Variants in PRKAR1B observed in about 807,000 individuals in gnomAD.
PRKAR1B encodes cAMP-dependent protein kinase type I-beta regulatory subunit.
Under a neutral mutation model 46.5 loss-of-function variants are expected in PRKAR1B, and 22 were observed. That is an observed-to-expected ratio of 0.47 (90% CI 0.34 to 0.68). The LOEUF is 0.68. Ranked by LOEUF, PRKAR1B falls within the 30% of genes least tolerant of loss-of-function variation. PRKAR1B has a pLI of 0.01. For missense variants in PRKAR1B, 445 were observed against 535.6 expected, an observed-to-expected ratio of 0.83 and a Z score of 1.67; for synonymous variants, 259 against 217.7, an observed-to-expected ratio of 1.19 and a Z score of -1.67.
At chr7:640,430 G>A (rs538397300) in intron 4 of PRKAR1B, among the ~76,000 whole-genome samples, 1 of 152,120 alleles carries the variant, frequency 6.6e-6, no homozygotes, top group Non-Finnish European at 1.5e-5. Context: ...CACCTGAAAA[G>A]CTGTTCAACC....
chr7:688,311 A>G (rs1562617987), intron 2 of PRKAR1B, among the ~76,000 whole-genome samples: 1 of 150,574 alleles, frequency 6.6e-6, no homozygotes, highest in Non-Finnish European at 1.5e-5. Context: ...GGGCTGAGAC[A>G]GGAGAATTGC....
chr7:660,262 G>T (rs894511772), intron 4 of PRKAR1B, among the ~76,000 whole-genome samples: 1 of 151,986 alleles, frequency 6.6e-6, no homozygotes, highest in Non-Finnish European at 1.5e-5. Flanking sequence ...GGCCCACCGA[G>T]TTCCCGTCTA....
upstream of PRKAR1B, chr7:727,599 G>GCGCTGCCACGTGCT (rs1781392596): frequency 5.2e-6 from 1 of 191,372 alleles, no homozygotes; most frequent in African/African-American, 2.5e-5. Context: ...CCTGTTTCCT[G>GCGCTGCCACGTGCT]CGCTGCCACG....
intron 1 of PRKAR1B, chr7:726,899 C>A: frequency 7.4e-7 from 1 of 1,345,076 alleles, no homozygotes; most frequent in Non-Finnish European, 9.5e-7. Flanking sequence ...CTGGAGGAGC[C>A]AGGCCCTGCC....
intron 1 of PRKAR1B, among the ~76,000 whole-genome samples, chr7:718,097 C>T (rs1780941824): frequency 1.3e-5 from 2 of 152,004 alleles, no homozygotes; most frequent in South Asian, 4.1e-4. Flanking sequence ...TGGAAACAAC[C>T]AAGTGCACTT....
chr7:703,500 C>A (rs568385276), intron 2 of PRKAR1B, among the ~76,000 whole-genome samples: 52 of 151,946 alleles, frequency 3.4e-4, no homozygotes, highest in African/African-American at 1.1e-3. Flanking sequence ...TAAAAACACA[C>A]AAAAAATTAG....
At chr7:563,188 A>T (rs1042589329) in intron 9 of PRKAR1B, among the ~76,000 whole-genome samples, 4 of 152,012 alleles carry the variant, frequency 2.6e-5, no homozygotes, top group Admixed American at 1.3e-4. Flanking sequence ...AGGCACCTAG[A>T]CCCAACCCGG....
chr7:557,196 G>C (rs181066818), intron 9 of PRKAR1B, among the ~76,000 whole-genome samples: 2 of 152,216 alleles, frequency 1.3e-5, no homozygotes, highest in Non-Finnish European at 2.9e-5. Flanking sequence ...CAGCCAAGGA[G>C]GGAAAGAGGC....
chr7:610,290 G>A (rs1782400962), intron 4 of PRKAR1B, among the ~76,000 whole-genome samples: 1 of 152,206 alleles, frequency 6.6e-6, no homozygotes, highest in Non-Finnish European at 1.5e-5. Flanking sequence ...GGAGGTTTCA[G>A]TCTCCAGAGG....
At chr7:596,113 G>A (rs1225713041) in intron 7 of PRKAR1B, 33 bp downstream of exon 7, 11 of 1,598,502 alleles carry the variant, frequency 6.9e-6, no homozygotes, top group Non-Finnish European at 9.4e-6. Context: ...AAGGGTGGGT[G>A]TTGGCCTTCT....
At chr7:553,226 G>A (rs1784360749) in intron 9 of PRKAR1B, among the ~76,000 whole-genome samples, 1 of 152,232 alleles carries the variant, frequency 6.6e-6, no homozygotes, top group Non-Finnish European at 1.5e-5. Flanking sequence ...CACTAGAGAA[G>A]CTTCCTCTGA....
chr7:566,325 C>T (rs920148562), intron 9 of PRKAR1B, among the ~76,000 whole-genome samples: 3 of 125,248 alleles, frequency 2.4e-5, no homozygotes, highest in Non-Finnish European at 5.2e-5. Flanking sequence ...TATTCACCAA[C>T]TCATCACCTT....
At chr7:711,249 C>A (rs1274954172) in intron 2 of PRKAR1B, 80 bp downstream of exon 2, 15 of 1,555,546 alleles carry the variant, frequency 9.6e-6, no homozygotes, top group Non-Finnish European at 1.3e-5. Context: ...GACCACGGGA[C>A]AGAGGGAAGG....
At chr7:590,398 C>T (rs968834180) in intron 7 of PRKAR1B, among the ~76,000 whole-genome samples, 6 of 152,282 alleles carry the variant, frequency 3.9e-5, no homozygotes, top group East Asian at 1.9e-4. Flanking sequence ...CCTGGCCTGG[C>T]GGCACTGACC....
chr7:691,523 G>C (rs1458647500), intron 2 of PRKAR1B: 1 of 1,304,396 alleles, frequency 7.7e-7, no homozygotes, highest in African/African-American at 1.5e-5. Flanking sequence ...CAAATGAAGA[G>C]GAGAGCTGGG....
chr7:718,762 G>C (rs1301303648), intron 1 of PRKAR1B, among the ~76,000 whole-genome samples: 1 of 151,244 alleles, frequency 6.6e-6, no homozygotes, highest in East Asian at 1.9e-4. Context: ...ACAGATATTA[G>C]CATTGTTGCT....
intron 4 of PRKAR1B, among the ~76,000 whole-genome samples, chr7:665,729 G>C (rs528437383): frequency 6.6e-6 from 1 of 152,360 alleles, no homozygotes; most frequent in African/African-American, 2.4e-5. Flanking sequence ...GCCCAAGCCA[G>C]AATGGGGAGA....
chr7:597,411 ACT>A (rs1446879092), intron 6 of PRKAR1B, among the ~76,000 whole-genome samples: 6 of 152,062 alleles, frequency 3.9e-5, no homozygotes, highest in South Asian at 2.1e-4. Flanking sequence ...GCAAAGGCAG[ACT>A]CTGCCTGGCG....
At chr7:640,077 C>G (rs1383964930) in intron 4 of PRKAR1B, among the ~76,000 whole-genome samples, 2 of 151,140 alleles carry the variant, frequency 1.3e-5, no homozygotes. Context: ...GAAGGAGAAT[C>G]ACTTAAACCC....
Sources: allele counts gnomAD v4.1 joint callset (sites outside exome capture counted in the v4.1 genomes callset), GRCh38; gene constraint gnomAD v4.1.1; transcripts MANE v1.5; gene names NCBI Gene and HGNC (gene_info 2026-07-23, HGNC 2026-07-21).